XPR1: variants seen among roughly 807,000 people sequenced by gnomAD.
XPR1 encodes xenotropic and polytropic retrovirus receptor 1.
XPR1 carries 28 observed loss-of-function variants against 87.5 expected under a neutral mutation model. The ratio of observed to expected loss-of-function variants is 0.32; its 90% CI spans 0.24 to 0.44. The LOEUF (loss-of-function observed/expected upper bound fraction) is 0.44. XPR1 is among the 20% of genes least tolerant of loss of function. The pLI is 1.00. For synonymous variants in XPR1, 300 were observed against 306.1 expected (o/e 0.98, Z 0.21); for missense variants, 559 against 862.3 (o/e 0.65, Z 4.41).
chr1:180,655,367 C>CT (rs1207869293), intron 1 of XPR1, among the ~76,000 whole-genome samples: 2 of 147,566 alleles, frequency 1.4e-5, no homozygotes, highest in Non-Finnish European at 3.0e-5. Flanking sequence ...CAATGGGTTG[C>CT]TTTTCAATTC....
intron 2 of XPR1, among the ~76,000 whole-genome samples, chr1:180,721,558 C>T: frequency 6.6e-6 from 1 of 152,170 alleles, no homozygotes; most frequent in East Asian, 1.9e-4. Context: ...GTTTGAAAGT[C>T]ATTGTCCTAC....
intron 2 of XPR1, among the ~76,000 whole-genome samples, chr1:180,707,564 G>C (rs1489797132): frequency 5.3e-5 from 8 of 152,178 alleles, no homozygotes; most frequent in African/African-American, 1.9e-4. Flanking sequence ...GAATAGGGCT[G>C]TGGAATATAG....
chr1:180,655,251 A>G (rs1483252051), intron 1 of XPR1, among the ~76,000 whole-genome samples: 1 of 151,910 alleles, frequency 6.6e-6, no homozygotes, highest in Admixed American at 6.6e-5. Context: ...TCTTTTGTCC[A>G]TTTTCGAATT....
At chr1:180,838,428 A>G (rs920952324) in intron 11 of XPR1, among the ~76,000 whole-genome samples, 6 of 152,182 alleles carry the variant, frequency 3.9e-5, no homozygotes, top group East Asian at 1.9e-4. Context: ...GGTCAACTGT[A>G]TACTGATAGC....
At chr1:180,666,029 T>C (rs1243358782) in intron 1 of XPR1, among the ~76,000 whole-genome samples, 2 of 152,228 alleles carry the variant, frequency 1.3e-5, no homozygotes, top group African/African-American at 4.8e-5. Context: ...GGTATAGATA[T>C]CCAATTTTCC....
chr1:180,662,981 T>C (rs1286084530), intron 1 of XPR1, among the ~76,000 whole-genome samples: 1 of 152,228 alleles, frequency 6.6e-6, no homozygotes, highest in Non-Finnish European at 1.5e-5. Context: ...TTCTTTCTCA[T>C]TATTTGAGTT....
intron 2 of XPR1, among the ~76,000 whole-genome samples, chr1:180,689,789 G>A (rs1236592150): frequency 6.6e-6 from 1 of 152,118 alleles, no homozygotes; most frequent in African/African-American, 2.4e-5. Flanking sequence ...AGGGGCAGCT[G>A]GGTTTAGAGG....
chr1:180,653,633 T>A (rs1446557012), intron 1 of XPR1, among the ~76,000 whole-genome samples: 1 of 152,124 alleles, frequency 6.6e-6, no homozygotes, highest in Non-Finnish European at 1.5e-5. Context: ...TATACATACA[T>A]ACCTATGATA....
intron 2 of XPR1, among the ~76,000 whole-genome samples, chr1:180,764,374 C>T (rs1382446221): frequency 6.6e-6 from 1 of 151,964 alleles, no homozygotes; most frequent in African/African-American, 2.4e-5. Context: ...AAATTCCAAA[C>T]CTGAAACACT....
chr1:180,680,497 C>G (rs564771676), intron 1 of XPR1, among the ~76,000 whole-genome samples: 2 of 151,004 alleles, frequency 1.3e-5, no homozygotes, highest in Non-Finnish European at 2.9e-5. Flanking sequence ...TCCCGAGTAG[C>G]TGGGACTACA....
chr1:180,861,475 C>T (rs1174293014), intron 11 of XPR1, among the ~76,000 whole-genome samples: 4 of 152,036 alleles, frequency 2.6e-5, no homozygotes, highest in Non-Finnish European at 5.9e-5. Context: ...GAAATAAATA[C>T]ATGTCAGAAC....
intron 2 of XPR1, among the ~76,000 whole-genome samples, chr1:180,747,203 G>A (rs12093445): frequency 0.043 from 6,547 of 152,090 alleles, 502 homozygotes; most frequent in African/African-American, 0.15. Context: ...AAACTTAGAC[G>A]TAAGTATACA....
At chr1:180,655,344 A>G (rs189142406) in intron 1 of XPR1, among the ~76,000 whole-genome samples, 2 of 145,392 alleles carry the variant, frequency 1.4e-5, no homozygotes, top group Admixed American at 6.8e-5. Flanking sequence ...ATTTGTAACT[A>G]TTTTCTCCCA....
At chr1:180,668,868 T>A (rs1316226026) in intron 1 of XPR1, among the ~76,000 whole-genome samples, 1 of 152,106 alleles carries the variant, frequency 6.6e-6, no homozygotes, top group Non-Finnish European at 1.5e-5. Flanking sequence ...GGTGGGTAGA[T>A]CACTTGAGGT....
rs535485021 is a variant in XPR1, at chr1:180,838,764, T to C, written c.1501+2048T>C. ...AGTCAGAAAATTTCCATCTCTTTGC[T>C]GTTGAACTATAATGTATCTTTATTT... is the stretch of plus-strand genomic sequence containing the variant. On this transcript the variant is annotated intron_variant, in intron 11 of 14. Coordinates refer to ENST00000367590, the MANE Select transcript of XPR1 (RefSeq NM_004736.4). Among the ~76,000 whole-genome samples the C allele has an allele frequency of 3.9e-5, 6 of 152,318 alleles. No individual in the cohort carries two copies. In the South Asian group the frequency reaches 1.0e-3, roughly 26 times the overall value.
intron 12 of XPR1, among the ~76,000 whole-genome samples, chr1:180,873,342 G>C (rs1169501927): frequency 6.6e-6 from 1 of 152,108 alleles, no homozygotes; most frequent in Non-Finnish European, 1.5e-5. Context: ...CAAAAAGCAA[G>C]GCAAAACTTT....
intron 3 of XPR1, among the ~76,000 whole-genome samples, chr1:180,788,869 C>T (rs897883175): frequency 2.0e-5 from 3 of 152,164 alleles, no homozygotes; most frequent in African/African-American, 7.2e-5. Context: ...TGAATAGTTT[C>T]ATGACTTTAC....
chr1:180,825,779 G>C (rs533113669), intron 9 of XPR1, among the ~76,000 whole-genome samples: 1 of 152,156 alleles, frequency 6.6e-6, no homozygotes, highest in African/African-American at 2.4e-5. Context: ...GGCTGGGCGC[G>C]GTGGCTCACG....
intron 2 of XPR1, among the ~76,000 whole-genome samples, chr1:180,764,787 T>C (rs1249057958): frequency 3.3e-5 from 2 of 60,244 alleles, no homozygotes; most frequent in African/African-American, 1.1e-4. Context: ...TAATTTTTTT[T>C]CTTTTTTTTT....
Sources: gnomAD v4.1 joint callset for allele counts (sites outside exome capture counted in the v4.1 genomes callset) on GRCh38, gnomAD v4.1.1 for gene constraint, MANE v1.5 for transcripts, NCBI Gene and HGNC (gene_info 2026-07-23, HGNC 2026-07-21) for gene names.